KIAA1217: variants seen among roughly 807,000 people sequenced by gnomAD.
KIAA1217 encodes KIAA1217.
Under a neutral mutation model 163.9 loss-of-function variants are expected in KIAA1217, and 88 were observed. The observed-to-expected ratio is 0.54, with a 90% confidence interval of 0.45 to 0.64. The LOEUF (loss-of-function observed/expected upper bound fraction) is 0.64. KIAA1217 is among the 30% of genes least tolerant of loss of function. The probability of loss-of-function intolerance (pLI) is 0.00; values close to 1 mark genes in which losing one functional copy is unlikely to be tolerated. For missense variants in KIAA1217, 2,372 were observed against 2,475.0 expected (o/e 0.96, Z 0.88); for synonymous variants, 903 against 923.1 (o/e 0.98, Z 0.39).
intron 1 of KIAA1217, among the ~76,000 whole-genome samples, chr10:23,794,078 C>A (rs145764188): frequency 6.0e-4 from 91 of 152,226 alleles, no homozygotes; most frequent in Non-Finnish European, 2.2e-4. Flanking sequence ...AATTTTGAGA[C>A]CTGCTTAAAC....
chr10:24,163,330 A>G (rs1021427528), intron 2 of KIAA1217, among the ~76,000 whole-genome samples: 2 of 152,204 alleles, frequency 1.3e-5, no homozygotes, highest in Non-Finnish European at 2.9e-5. Flanking sequence ...CCCATCTGTT[A>G]TCTCATCTGT....
At chr10:23,736,328 A>G (rs947325571) in intron 1 of KIAA1217, among the ~76,000 whole-genome samples, 13 of 152,236 alleles carry the variant, frequency 8.5e-5, no homozygotes, top group Admixed American at 1.3e-4. Flanking sequence ...TTTTTCCTAT[A>G]TGGACAACCA....
intron 1 of KIAA1217, among the ~76,000 whole-genome samples, chr10:23,732,687 A>T (rs1838542404): frequency 6.6e-6 from 1 of 151,628 alleles, no homozygotes; most frequent in Non-Finnish European, 1.5e-5. Flanking sequence ...CTTACTTTTG[A>T]TTTAATTTGC....
At chr10:24,171,630 C>A (rs912779371) in intron 2 of KIAA1217, among the ~76,000 whole-genome samples, 2 of 152,036 alleles carry the variant, frequency 1.3e-5, no homozygotes, top group African/African-American at 4.8e-5. Context: ...CATGGAGAAA[C>A]CCCGTCTCTA....
At chr10:24,330,339 G>T (rs949239750) in intron 2 of KIAA1217, among the ~76,000 whole-genome samples, 2 of 150,550 alleles carry the variant, frequency 1.3e-5, no homozygotes, top group Non-Finnish European at 3.0e-5. Flanking sequence ...AACTTGAAAA[G>T]CAAGGCTATG....
At chr10:24,303,716 G>GT (rs1564436116) in intron 2 of KIAA1217, among the ~76,000 whole-genome samples, 1 of 152,186 alleles carries the variant, frequency 6.6e-6, no homozygotes, top group East Asian at 1.9e-4. Flanking sequence ...GTTGAAGGCT[G>GT]TTGGCTGTGA....
chr10:24,264,461 T>A (rs913382603), intron 2 of KIAA1217, among the ~76,000 whole-genome samples: 1 of 151,880 alleles, frequency 6.6e-6, no homozygotes, highest in Non-Finnish European at 1.5e-5. Context: ...TGTGTCAGAC[T>A]AGTAAGACCA....
At chr10:24,025,846 A>G (rs1026958987) in intron 2 of KIAA1217, among the ~76,000 whole-genome samples, 1 of 151,756 alleles carries the variant, frequency 6.6e-6, no homozygotes, top group South Asian at 2.1e-4. Flanking sequence ...AGTCTTATAT[A>G]TTTACCTCAT....
intron 1 of KIAA1217, among the ~76,000 whole-genome samples, chr10:23,906,333 A>G (rs1295028598): frequency 1.3e-5 from 2 of 151,976 alleles, no homozygotes; most frequent in Non-Finnish European, 2.9e-5. Flanking sequence ...GGCTTTTCTC[A>G]TAATCTCATG....
chr10:24,342,745 G>A (rs924084762), intron 2 of KIAA1217, among the ~76,000 whole-genome samples: 2 of 140,160 alleles, frequency 1.4e-5, no homozygotes, highest in East Asian at 4.5e-4. Flanking sequence ...TGCAACCTCC[G>A]CCTCCCAGGT....
intron 2 of KIAA1217, among the ~76,000 whole-genome samples, chr10:24,194,735 C>A (rs1315508761): frequency 6.6e-6 from 1 of 150,544 alleles, no homozygotes; most frequent in Non-Finnish European, 1.5e-5. Context: ...AGGCATGCAC[C>A]ACCTATAGTC....
intron 3 of KIAA1217, among the ~76,000 whole-genome samples, chr10:24,401,406 G>A (rs920393384): frequency 2.0e-5 from 3 of 152,088 alleles, no homozygotes; most frequent in Non-Finnish European, 4.4e-5. Flanking sequence ...ACCAAGCGAG[G>A]TTTATTCCAG....
chr10:23,824,446 G>A (rs915428305), intron 1 of KIAA1217, among the ~76,000 whole-genome samples: 8 of 150,210 alleles, frequency 5.3e-5, no homozygotes, highest in African/African-American at 2.0e-4. Flanking sequence ...TGACCAACAT[G>A]GTGAAACCCC....
chr10:23,808,661 T>C (rs1041881519), intron 1 of KIAA1217, among the ~76,000 whole-genome samples: 1 of 151,496 alleles, frequency 6.6e-6, no homozygotes, highest in Non-Finnish European at 1.5e-5. Flanking sequence ...AGATGAAAAA[T>C]TTAAGAGAAG....
chr10:23,718,026 A>C (rs1837669432), intron 1 of KIAA1217, among the ~76,000 whole-genome samples: 1 of 152,158 alleles, frequency 6.6e-6, no homozygotes, highest in Non-Finnish European at 1.5e-5. Flanking sequence ...AGCCTTTTCT[A>C]TTGGTTCGTC....
intron 2 of KIAA1217, among the ~76,000 whole-genome samples, chr10:24,145,701 C>A (rs1448595345): frequency 1.3e-5 from 2 of 152,224 alleles, no homozygotes; most frequent in Non-Finnish European, 2.9e-5. Flanking sequence ...ATGCAGCCTT[C>A]AGTCTGTGGC....
At chr10:23,925,427 C>T (rs1212932646) in intron 1 of KIAA1217, among the ~76,000 whole-genome samples, 1 of 152,308 alleles carries the variant, frequency 6.6e-6, no homozygotes, top group Non-Finnish European at 1.5e-5. Flanking sequence ...AGGGCCGATA[C>T]ATACTAAGTC....
intron 2 of KIAA1217, among the ~76,000 whole-genome samples, chr10:24,289,517 C>T (rs2078889101): frequency 6.6e-6 from 1 of 151,836 alleles, no homozygotes. Flanking sequence ...CTGAATTGTC[C>T]TCATGGAGGA....
At chr10:24,297,207 A>G (rs151103999) in intron 2 of KIAA1217, among the ~76,000 whole-genome samples, 407 of 152,322 alleles carry the variant, frequency 2.7e-3, no homozygotes, top group Admixed American at 3.4e-3. Flanking sequence ...GTTTGTCACA[A>G]TAATTGGAGC....
Sources: allele counts gnomAD v4.1 joint callset (sites outside exome capture counted in the v4.1 genomes callset), GRCh38; gene constraint gnomAD v4.1.1; transcripts MANE v1.5; gene names NCBI Gene and HGNC (gene_info 2026-07-23, HGNC 2026-07-21).